The following ADPGK variants were observed in gnomAD, a reference collection of about 807,000 sequenced individuals.
ADPGK encodes the protein ADP-dependent glucokinase.
In ADPGK, 26 loss-of-function variants were observed where a neutral mutation model predicts 42.4. The ratio of observed to expected loss-of-function variants is 0.61; its 90% confidence interval spans 0.45 to 0.85. The LOEUF is 0.85. Among genes scored for constraint, ADPGK ranks in the 40% least tolerant of loss-of-function variants. The pLI, the probability that ADPGK is intolerant of heterozygous loss-of-function variation, is 0.00. For missense variants in ADPGK, 571 were observed against 627.0 expected (o/e 0.91, Z 0.95); for synonymous variants, 267 against 252.6 (o/e 1.06, Z -0.54).
Position 72,756,379 on chromosome 15 carries a change from C to T in ADPGK, c.712G>A (p.Gly238Arg), listed in dbSNP as rs1181805644. The T allele has an allele frequency of 1.9e-6, 3 of 1,614,200 alleles. No individual in the cohort carries two copies. Among genetic ancestry groups the T allele is most frequent in the South Asian group, 2.2e-5 (2 of 91,078 alleles). The change falls in exon 5 of 7, where the codon GGG becomes AGG. Residue 238 changes from glycine to arginine, a missense_variant. Around this residue, in one of 2 missense-constraint regions of ADPGK, gnomAD observed 434 missense variants for 522.7 expected, o/e 0.83. Transcript: ENST00000456471. ...AACACCTCCAGCATATTCATGGCCC[C>T]GTTGGAGAGGTCGTGAGAGAAGATG... ...RFIFSHDLSN[G>R]AMNMLEVFVS...
Position 72,751,493 on chromosome 15 carries a change from TG to T in ADPGK, c.*847del, listed in dbSNP as rs2066045031. 1 of 152,660 alleles carries T rather than the reference TG, an allele frequency of 6.6e-6. No individual in the cohort carries two copies. The highest frequency in any genetic ancestry group is 1.5e-5 in the Non-Finnish European group (1 of 68,048). The allele number at this position is 152,660 out of a possible 1,614,324, so 9.5% of individuals were successfully genotyped here. A position where few individuals can be genotyped will look rare whatever the true frequency, so the allele number is the denominator to read the frequency against. ...GAGCTCTGAGGTCAAACTCTTTAAATGATCAGTGAAAACATAAAACATCCAT... is the reference window on the plus strand; with the variant it reads ...GAGCTCTGAGGTCAAACTCTTTAAATATCAGTGAAAACATAAAACATCCAT... On this transcript the variant is annotated 3_prime_UTR_variant, in exon 7 of 7. Transcript: ENST00000456471.
intron 2 of ADPGK, among the ~76,000 whole-genome samples, chr15:72,774,492 G>A (rs2151089814): frequency 6.6e-6 from 1 of 152,270 alleles, no homozygotes; most frequent in East Asian, 1.9e-4. Context: ...TAATCACCAG[G>A]TGAACTTGGA....
intron 1 of ADPGK, among the ~76,000 whole-genome samples, chr15:72,780,170 T>C (rs1566966249): frequency 6.6e-6 from 1 of 152,212 alleles, no homozygotes; most frequent in Admixed American, 6.5e-5. Flanking sequence ...GGGTAATTTA[T>C]AAAGGAAAGA....
intron 4 of ADPGK, among the ~76,000 whole-genome samples, chr15:72,759,820 A>G (rs2066170255): frequency 6.6e-6 from 1 of 152,238 alleles, no homozygotes; most frequent in Non-Finnish European, 1.5e-5. Flanking sequence ...TCTACGTAAC[A>G]TATAAAATCT....
At position 72,783,466 on chromosome 15, in the gene ADPGK, C is replaced by A. The variant is rs2066494615; in HGVS notation, c.226G>T (p.Ala76Ser). Residue 76 changes from alanine (A) to serine (S), a missense_variant, in exon 1 of 7, where the codon GCA (alanine) becomes TCA (serine). This residue lies in a region of ADPGK where 434 missense variants were observed against 522.7 expected (regional missense o/e 0.83). Coordinates refer to ENST00000456471, the MANE Select transcript of ADPGK (RefSeq NM_001365225.1). ...VRPVRRWRRV[A>S]VGVNACVDVV... ...GGCCCCGTTGGCACTCACCCCACTG[C>A]CACGCGGCGCCAGCGCCGGACTGGC... 7.2e-7 allele frequency: 1 copy of A among 1,387,270 alleles called. No homozygotes were observed. The highest frequency in any genetic ancestry group is 9.3e-7 in the Non-Finnish European group (1 of 1,077,250). The allele number at this position is 1,387,270 out of a possible 1,614,324, so 85.9% of individuals were successfully genotyped here.
At chr15:72,780,836 T>A (rs1223245340) in intron 1 of ADPGK, among the ~76,000 whole-genome samples, 1 of 152,196 alleles carries the variant, frequency 6.6e-6, no homozygotes, top group Non-Finnish European at 1.5e-5. Context: ...CGTTTTTGAC[T>A]GCCTTTCTTT....
Position 72,752,610 on chromosome 15 carries a change from C to T in ADPGK, c.1225G>A (p.Val409Met), listed in dbSNP as rs767756237. ...QLAAVAAGARVAGTQACATET... is the reference protein window; with the variant it reads ...QLAAVAAGARMAGTQACATET... Reference sequence around the variant, plus strand: ...GTGGCGCAGGCCTGTGTCCCAGCCACACGAGCTCCTGCAGCCACGGCTGCC... The same window carrying T: ...GTGGCGCAGGCCTGTGTCCCAGCCATACGAGCTCCTGCAGCCACGGCTGCC... The change falls in exon 7 of 7, where the codon GTG (valine) becomes ATG (methionine). Residue 409 changes from valine (V) to methionine (M), a missense_variant. Coordinates refer to ENST00000456471, the MANE Select transcript of ADPGK (RefSeq NM_001365225.1). 3.7e-6 allele frequency: 6 copies of T among 1,614,254 alleles called. No homozygotes were observed. Among genetic ancestry groups the T allele is most frequent in the Non-Finnish European group, 5.1e-6 (6 of 1,180,048 alleles).
intron 4 of ADPGK, chr15:72,758,007 T>C: frequency 1.4e-6 from 2 of 1,476,024 alleles, no homozygotes; most frequent in Non-Finnish European, 9.3e-7. Context: ...CAAGAGAGGC[T>C]GGAACCTGAA....
rs144557685 is a variant in ADPGK at position 72,765,212 on chromosome 15, G to A, written c.523-4685C>T. ...CAGGCTGGAGTATAGTGAGTGGCAC[G>A]ATCTCAGCCCACTGCAATCTCCACC... is the stretch of plus-strand genomic sequence containing the variant. On this transcript the variant is annotated intron_variant, in intron 3 of 6. Transcript: ENST00000456471. Among the ~76,000 whole-genome samples, 83 of 152,170 alleles carry A rather than the reference G, an allele frequency of 5.5e-4. No individual in the cohort carries two copies. The East Asian group carries it at 0.015, about 27-fold the overall frequency.
chr15:72,761,470 A>T (rs1255372210), intron 3 of ADPGK, among the ~76,000 whole-genome samples: 3 of 152,154 alleles, frequency 2.0e-5, no homozygotes, highest in African/African-American at 7.2e-5. Flanking sequence ...CTTCAGGGGA[A>T]GGTGCTCTGC....
At chr15:72,783,145 C>A in intron 1 of ADPGK, 1 of 1,012,610 alleles carries the variant, frequency 9.9e-7, no homozygotes, top group Non-Finnish European at 1.2e-6. Flanking sequence ...AAACAACAGT[C>A]GCCAGAAGAG....
intron 1 of ADPGK, among the ~76,000 whole-genome samples, chr15:72,778,421 A>AG (rs2151093763): frequency 6.6e-6 from 1 of 152,276 alleles, no homozygotes; most frequent in South Asian, 2.1e-4. Flanking sequence ...TGTATTGTCA[A>AG]GGGGAAATAA....
At chr15:72,765,512 A>G (rs1171866469) in intron 3 of ADPGK, among the ~76,000 whole-genome samples, 1 of 152,240 alleles carries the variant, frequency 6.6e-6, no homozygotes, top group Non-Finnish European at 1.5e-5. Flanking sequence ...GCCATAGATA[A>G]TAACTCCTCT....
chr15:72,783,080 GAAGA>G (rs1370674909), intron 1 of ADPGK: 3 of 453,480 alleles, frequency 6.6e-6, no homozygotes, highest in Middle Eastern at 9.2e-4. Flanking sequence ...AAGAAGTTCA[GAAGA>G]AAGAGGAAGA....
chr15:72,756,661 T>G, intron 4 of ADPGK: 1 of 585,786 alleles, frequency 1.7e-6, no homozygotes, highest in Non-Finnish European at 3.0e-6. Flanking sequence ...AACAGAAACA[T>G]AGTATGGGTG....
At chr15:72,773,757 T>C (rs1053147216) in intron 2 of ADPGK, among the ~76,000 whole-genome samples, 3 of 152,244 alleles carry the variant, frequency 2.0e-5, no homozygotes, top group African/African-American at 7.2e-5. Flanking sequence ...CTGATCCCAG[T>C]TGTCAAAATG....
chr15:72,752,185 C>T lies in ADPGK; in HGVS notation c.*156G>A, dbSNP rs748101517. The T allele has an allele frequency of 2.1e-5, 16 of 775,998 alleles. No homozygotes were observed. Among genetic ancestry groups the T allele is most frequent in the Non-Finnish European group, 2.8e-5 (14 of 506,750 alleles). The allele number at this position is 775,998 out of a possible 1,614,324, so 48.1% of individuals were successfully genotyped here. On this transcript the variant is annotated 3_prime_UTR_variant, in exon 7 of 7. Coordinates refer to ENST00000456471, the MANE Select transcript of ADPGK (RefSeq NM_001365225.1). Reference sequence around the variant, plus strand: ...TCATTAGCTAAATTCGGATTAAAATCTGAAATGTTTTTATGGAGTTGCCAA... The same window carrying T: ...TCATTAGCTAAATTCGGATTAAAATTTGAAATGTTTTTATGGAGTTGCCAA...
At chr15:72,778,800 C>T (rs1184173712) in intron 1 of ADPGK, among the ~76,000 whole-genome samples, 1 of 152,048 alleles carries the variant, frequency 6.6e-6, no homozygotes, top group Non-Finnish European at 1.5e-5. Flanking sequence ...TGTAAAGAGG[C>T]GGGGGAAAAA....
At position 72,771,820 on chromosome 15, in the gene ADPGK, A is replaced by G. The variant is rs748409514; in HGVS notation, c.485T>C (p.Leu162Ser). The change falls in exon 3 of 7, where the codon TTA becomes TCA. Residue 162 changes from leucine to serine, a missense_variant. Physicochemically the swap from Leu to Ser is moderately radical, Grantham distance 145. This residue lies in a region of ADPGK where 434 missense variants were observed against 522.7 expected (regional missense o/e 0.83). Coordinates refer to ENST00000456471, the MANE Select transcript of ADPGK (RefSeq NM_001365225.1). Reference sequence around the variant, plus strand: ...GTTGGCTGCAAATTTCTGTCCAATTAAAGCTGCATTTCCTCCTACATAGTG... The same window carrying G: ...GTTGGCTGCAAATTTCTGTCCAATTGAAGCTGCATTTCCTCCTACATAGTG... ...AQHYVGGNAA[L>S]IGQKFAANSD... 6.2e-7 allele frequency: 1 copy of G among 1,613,430 alleles called. No individual in the cohort carries two copies. The highest frequency in any genetic ancestry group is 2.2e-5 in the East Asian group (1 of 44,792).
Sources: gnomAD v4.1 joint callset for allele counts (sites outside exome capture counted in the v4.1 genomes callset) on GRCh38, gnomAD v4.1.1 for gene constraint, gnomAD v4.1.1 regional missense constraint, MANE v1.5 for transcripts, NCBI Gene and HGNC (gene_info 2026-07-23, HGNC 2026-07-21) for gene names.